Variants in IPO11 observed in about 807,000 individuals in gnomAD.
The protein encoded by IPO11 is importin-11.
In IPO11, 66 loss-of-function variants were observed where a neutral mutation model predicts 143.2. The ratio of observed to expected loss-of-function variants is 0.46; its 90% confidence interval spans 0.38 to 0.57. The LOEUF is 0.57. IPO11 is among the 20% of genes least tolerant of loss of function. The pLI is 0.00. For synonymous variants in IPO11, 385 were observed against 377.8 expected (o/e 1.02, Z -0.22); for missense variants, 1,026 against 1,141.0 (o/e 0.90, Z 1.45).
chr5:62,441,028 T>C (rs1744456228), intron 2 of IPO11, among the ~76,000 whole-genome samples: 2 of 152,132 alleles, frequency 1.3e-5, no homozygotes, highest in Admixed American at 1.3e-4. Context: ...TTTTTGGCTT[T>C]GGGGTTTTCC....
chr5:62,527,604 T>C (rs1742409988), intron 21 of IPO11, among the ~76,000 whole-genome samples: 1 of 152,184 alleles, frequency 6.6e-6, no homozygotes, highest in African/African-American at 2.4e-5. Context: ...CTCAGAATTA[T>C]CAGTATTACT....
At chr5:62,418,683 A>G (rs1743384788) in intron 1 of IPO11, among the ~76,000 whole-genome samples, 1 of 152,360 alleles carries the variant, frequency 6.6e-6, no homozygotes, top group African/African-American at 2.4e-5. Context: ...AAAGAGCAAG[A>G]CATGCTTTTA....
In IPO11 at chr5:62,435,212, G is replaced by GTATA. The variant is rs70981007; in HGVS notation, c.-6-2050_-6-2047dup. Among the ~76,000 whole-genome samples the GTATA allele has an allele frequency of 4.9e-3, 386 of 78,734 alleles. 22 individuals are homozygous for GTATA. Among genetic ancestry groups the GTATA allele is most frequent in the African/African-American group, 0.021 (362 of 17,448 alleles). The allele number at this position is 78,734 out of a possible 152,430, so 51.7% of individuals were successfully genotyped here. A position where few individuals can be genotyped will look rare whatever the true frequency, so the allele number is the denominator to read the frequency against. On this transcript the variant is annotated intron_variant, in intron 1 of 29. Coordinates refer to ENST00000325324, the MANE Select transcript of IPO11 (RefSeq NM_016338.5). Reference sequence around the variant, plus strand: ...TATGTATATATATGTATATATATGTGTATATATATATATATCAGAGCAGCT... The same window carrying GTATA: ...TATGTATATATATGTATATATATGTGTATATATATATATATATATCAGAGCAGCT...
At chr5:62,517,183 G>A (rs1742052476) in intron 20 of IPO11, among the ~76,000 whole-genome samples, 1 of 137,312 alleles carries the variant, frequency 7.3e-6, no homozygotes, top group African/African-American at 2.8e-5. Context: ...GGGCGACAGA[G>A]CAAGACTCCG....
intron 3 of IPO11, among the ~76,000 whole-genome samples, chr5:62,449,436 A>G (rs1357947547): frequency 1.3e-5 from 2 of 152,260 alleles, no homozygotes; most frequent in Middle Eastern, 3.4e-3. Context: ...CTCTTGCCCC[A>G]TAGAATAATC....
At chr5:62,513,358 G>A (rs965399393) in intron 19 of IPO11, among the ~76,000 whole-genome samples, 2 of 139,090 alleles carry the variant, frequency 1.4e-5, no homozygotes, top group Non-Finnish European at 3.2e-5. Flanking sequence ...GCTGGGCGGG[G>A]GGCTGAGCCC....
At chr5:62,583,187 C>G (rs1279386544) in intron 27 of IPO11, among the ~76,000 whole-genome samples, 1 of 152,008 alleles carries the variant, frequency 6.6e-6, no homozygotes, top group Non-Finnish European at 1.5e-5. Context: ...TGTATCCTCC[C>G]AACTCCTACA....
chr5:62,488,834 C>T (rs557506832), intron 13 of IPO11, among the ~76,000 whole-genome samples: 4 of 152,128 alleles, frequency 2.6e-5, no homozygotes, highest in East Asian at 3.9e-4. Context: ...AAAAACCTGT[C>T]GCTACAAAAA....
In IPO11 at chr5:62,624,512, G is replaced by T. The variant is rs540077187; in HGVS notation, c.2764-2642G>T. On this transcript the variant is annotated intron_variant, in intron 29 of 29. Coordinates refer to ENST00000325324, the MANE Select transcript of IPO11 (RefSeq NM_016338.5). ...AAGATGACCACAGGTCACTTTTGTG[G>T]CCATCTTGGTTTTGGTGGGTTTTAG... Among the ~76,000 whole-genome samples, 3 of 152,234 alleles carry T rather than the reference G, an allele frequency of 2.0e-5. No homozygotes were observed. In the South Asian group the frequency reaches 6.2e-4, roughly 32 times the overall value.
chr5:62,532,015 T>C (rs1369488877), intron 22 of IPO11, among the ~76,000 whole-genome samples: 8 of 152,174 alleles, frequency 5.3e-5, no homozygotes, highest in African/African-American at 9.7e-5. Context: ...CATGCTACTT[T>C]AGGCAGTCCA....
intron 27 of IPO11, chr5:62,580,939 G>A (rs778812439): frequency 5.8e-6 from 9 of 1,551,306 alleles, no homozygotes; most frequent in Admixed American, 2.0e-5. Flanking sequence ...AAAAAACAGT[G>A]CTCTACCGAA....
intron 9 of IPO11, among the ~76,000 whole-genome samples, chr5:62,480,936 GA>G (rs1746179408): frequency 1.1e-5 from 1 of 87,848 alleles, no homozygotes; most frequent in African/African-American, 5.1e-5. Flanking sequence ...TTTTTTTGGA[GA>G]CAGAGTCTTG....
chr5:62,572,448 A>C (rs1026865172), intron 27 of IPO11, among the ~76,000 whole-genome samples: 1 of 152,146 alleles, frequency 6.6e-6, no homozygotes, highest in Non-Finnish European at 1.5e-5. Flanking sequence ...GGTGTTTACA[A>C]CTCTAAAATG....
intron 9 of IPO11, among the ~76,000 whole-genome samples, chr5:62,482,735 T>TG (rs1280534744): frequency 6.6e-6 from 1 of 152,172 alleles, no homozygotes; most frequent in East Asian, 1.9e-4. Context: ...ATAATTCATA[T>TG]GGGAAAGGGA....
chr5:62,549,621 G>A (rs1165795377), intron 24 of IPO11, among the ~76,000 whole-genome samples: 1 of 152,160 alleles, frequency 6.6e-6, no homozygotes, highest in Non-Finnish European at 1.5e-5. Flanking sequence ...CAAGCACTTA[G>A]GCTGGAAGTG....
intron 13 of IPO11, 47 bp downstream of exon 13, chr5:62,487,908 T>G: frequency 1.0e-5 from 15 of 1,484,384 alleles, no homozygotes; most frequent in African/African-American, 1.4e-5. Context: ...CTTTAACGTT[T>G]AGTTAAGAAA....
At chr5:62,506,646 G>C (rs1309513597) in intron 19 of IPO11, among the ~76,000 whole-genome samples, 1 of 152,156 alleles carries the variant, frequency 6.6e-6, no homozygotes, top group Admixed American at 6.5e-5. Context: ...GAGTGTGTTT[G>C]AGGGCATAGC....
intron 26 of IPO11, chr5:62,560,901 A>G (rs1743747352): frequency 6.2e-6 from 2 of 323,646 alleles, no homozygotes; most frequent in South Asian, 7.6e-5. Flanking sequence ...CATGGGCTAC[A>G]TACATGTTTT....
At chr5:62,562,642 C>G (rs1239603234) in intron 27 of IPO11, among the ~76,000 whole-genome samples, 1 of 152,130 alleles carries the variant, frequency 6.6e-6, no homozygotes, top group Admixed American at 6.5e-5. Context: ...TGGGCTGGTA[C>G]CAGTCCATGG....
Sources: gnomAD v4.1 joint callset for allele counts (sites outside exome capture counted in the v4.1 genomes callset) on GRCh38, gnomAD v4.1.1 for gene constraint, MANE v1.5 for transcripts, NCBI Gene and HGNC (gene_info 2026-07-23, HGNC 2026-07-21) for gene names.